The following RAI1 variants were observed in gnomAD, a reference collection of about 807,000 sequenced individuals.
RAI1 encodes the protein retinoic acid-induced protein 1.
In RAI1, 9 loss-of-function variants were observed where a neutral mutation model predicts 123.8. The observed-to-expected ratio is 0.07, with a 90% CI of 0.04 to 0.13. RAI1 has a LOEUF of 0.13. Ranked by LOEUF, RAI1 falls within the 10% of genes least tolerant of loss-of-function variation. The probability of loss-of-function intolerance (pLI) is 1.00; values close to 1 mark genes in which losing one functional copy is unlikely to be tolerated. For missense variants in RAI1, 2,256 were observed against 2,545.8 expected (o/e 0.89, Z 2.45); for synonymous variants, 1,231 against 1,127.3 (o/e 1.09, Z -1.84).
In RAI1 at chr17:17,797,790, C is replaced by G; in HGVS notation, c.4842C>G (p.Val1614=). The part of the protein sequence containing the change: ...RDAFTTICTV[V]NSPGDAPKPH... ...CGTTCACCACCATATGCACTGTTGTCAACTCCCCTGGAGATGCGCCCAAGC... is the reference window on the plus strand; with the variant it reads ...CGTTCACCACCATATGCACTGTTGTGAACTCCCCTGGAGATGCGCCCAAGC... Residue 1614 remains valine, a synonymous_variant, in exon 3 of 6, where the codon GTC becomes GTG. Transcript: ENST00000353383. 1 of 1,614,112 alleles carries G rather than the reference C, an allele frequency of 6.2e-7. No individual in the cohort carries two copies. Among genetic ancestry groups the G allele is most frequent in the Non-Finnish European group, 8.5e-7 (1 of 1,180,038 alleles).
intron 1 of RAI1, among the ~76,000 whole-genome samples, chr17:17,693,904 G>A (rs773054268): frequency 3.2e-4 from 49 of 152,326 alleles, no homozygotes; most frequent in Non-Finnish European, 5.7e-4. Context: ...CAGGCATCTG[G>A]AGTCACAGCC....
Position 17,750,710 on chromosome 17 carries a change from A to G in RAI1, c.-17+26551A>G, listed in dbSNP as rs989460638. Reference sequence around the variant, plus strand: ...GTCTCAAAAAAAAAAAAAAAAAAAAAAAAGAAAAGAAACACATGATGGGTG... The same window carrying G: ...GTCTCAAAAAAAAAAAAAAAAAAAAGAAAGAAAAGAAACACATGATGGGTG... On this transcript the variant is annotated intron_variant, in intron 2 of 5. Coordinates refer to ENST00000353383, the MANE Select transcript of RAI1 (RefSeq NM_030665.4). Among the ~76,000 whole-genome samples, 77 of 151,628 alleles carry G rather than the reference A, an allele frequency of 5.1e-4. 1 individual carries two copies. The highest frequency in any genetic ancestry group is 1.8e-3 in the Admixed American group (27 of 15,252).
intron 1 of RAI1, among the ~76,000 whole-genome samples, chr17:17,709,992 T>G (rs2142903196): frequency 6.6e-6 from 1 of 152,282 alleles, no homozygotes; most frequent in South Asian, 2.1e-4. Flanking sequence ...CATGCTCACC[T>G]GCCCACCATG....
intron 1 of RAI1, among the ~76,000 whole-genome samples, chr17:17,715,727 C>T (rs534686900): frequency 3.3e-5 from 5 of 152,184 alleles, no homozygotes; most frequent in African/African-American, 7.2e-5. Context: ...AGATGCCCCC[C>T]GGAAAGGGCT....
At chr17:17,729,508 C>A (rs577222561) in intron 2 of RAI1, among the ~76,000 whole-genome samples, 206 of 152,346 alleles carry the variant, frequency 1.4e-3, no homozygotes, top group African/African-American at 4.8e-3. Flanking sequence ...CTTGGCCACA[C>A]CCAGAAGCAA....
At chr17:17,769,161 C>T (rs527426557) in intron 2 of RAI1, among the ~76,000 whole-genome samples, 2 of 152,340 alleles carry the variant, frequency 1.3e-5, no homozygotes, top group East Asian at 1.9e-4. Context: ...CATGTCTTCA[C>T]GAACAAGGGA....
intron 2 of RAI1, among the ~76,000 whole-genome samples, chr17:17,788,491 A>AC (rs1412184387): frequency 6.6e-6 from 1 of 151,984 alleles, no homozygotes; most frequent in East Asian, 1.9e-4. Context: ...GAGGAGTTCC[A>AC]CCTTCTCCAC....
chr17:17,752,414 C>T (rs1313316258), intron 2 of RAI1, among the ~76,000 whole-genome samples: 3 of 152,082 alleles, frequency 2.0e-5, no homozygotes, highest in Admixed American at 6.6e-5. Context: ...TGTACTGGCG[C>T]GCGCTGCCTG....
chr17:17,688,814 G>T (rs1914737049), intron 1 of RAI1, among the ~76,000 whole-genome samples: 1 of 152,000 alleles, frequency 6.6e-6, no homozygotes, highest in Non-Finnish European at 1.5e-5. Flanking sequence ...TGGTCAGGCT[G>T]GTCTCAAACT....
chr17:17,788,204 C>T (rs9905548), intron 2 of RAI1, among the ~76,000 whole-genome samples: 1 of 152,060 alleles, frequency 6.6e-6, no homozygotes, highest in African/African-American at 2.4e-5. Flanking sequence ...GAGGGGCTGC[C>T]TGGTCCTCTG....
chr17:17,747,978 CACTTG>C (rs1353363654), intron 2 of RAI1, among the ~76,000 whole-genome samples: 4 of 152,116 alleles, frequency 2.6e-5, no homozygotes, highest in African/African-American at 7.2e-5. Flanking sequence ...GCTGGAAGAT[CACTTG>C]AGCCTGGGAG....
At chr17:17,705,209 A>G (rs891121888) in intron 1 of RAI1, among the ~76,000 whole-genome samples, 3 of 152,214 alleles carry the variant, frequency 2.0e-5, no homozygotes, top group African/African-American at 4.8e-5. Flanking sequence ...CAGGAGAACA[A>G]CAGCCATGGA....
chr17:17,745,752 ACT>A (rs1363176054), intron 2 of RAI1, among the ~76,000 whole-genome samples: 1 of 150,822 alleles, frequency 6.6e-6, no homozygotes, highest in African/African-American at 2.4e-5. Flanking sequence ...GTTTTTAAAA[ACT>A]CTTTCTCCAG....
intron 1 of RAI1, among the ~76,000 whole-genome samples, chr17:17,717,760 G>T (rs1205745750): frequency 6.6e-6 from 1 of 152,184 alleles, no homozygotes; most frequent in Non-Finnish European, 1.5e-5. Flanking sequence ...GAGGAAGGAA[G>T]ATGAATACCC....
In RAI1 at chr17:17,809,376, C is replaced by A; in HGVS notation, c.5660-14C>A. On this transcript the variant is annotated splice_polypyrimidine_tract_variant and intron_variant, in intron 4 of 5. Coordinates refer to ENST00000353383, the MANE Select transcript of RAI1 (RefSeq NM_030665.4). This position sits in a 1 kb window ranked among gnomAD's most constrained non-coding sequence, Gnocchi z 4.9. Reference sequence around the variant, plus strand: ...CACCCTGTCCTAACCACCGAAACTTCTCTTTGGTCACAGGTTGCATATTCA... The same window carrying A: ...CACCCTGTCCTAACCACCGAAACTTATCTTTGGTCACAGGTTGCATATTCA... 2 of 1,603,344 alleles carry A rather than the reference C, an allele frequency of 1.2e-6. No homozygotes were observed. The highest frequency in any genetic ancestry group is 1.7e-6 in the Non-Finnish European group (2 of 1,170,302).
At position 17,801,198 on chromosome 17, in the gene RAI1, G is replaced by A. The variant is rs2032450897; in HGVS notation, c.5566-2558G>A. 1.3e-5 allele frequency among the ~76,000 whole-genome samples: 2 copies of A among 152,104 alleles called. No individual in the cohort carries two copies. The highest frequency in any genetic ancestry group is 2.4e-5 in the African/African-American group (1 of 41,412). ...CTGCCCTTCCCCCAAAGCCATCATA[G>A]ACCCCTACCTCCTATCCAGATGGAG... On this transcript the variant is annotated intron_variant, in intron 3 of 5. Coordinates refer to ENST00000353383, the MANE Select transcript of RAI1 (RefSeq NM_030665.4). This position sits in a 1 kb window ranked among gnomAD's most constrained non-coding sequence, Gnocchi z 4.1.
At chr17:17,716,476 G>A (rs189232699) in intron 1 of RAI1, among the ~76,000 whole-genome samples, 98 of 152,356 alleles carry the variant, frequency 6.4e-4, no homozygotes, top group African/African-American at 2.2e-3. Flanking sequence ...ACACACAGAT[G>A]TATATGCCCA....
chr17:17,700,463 A>C (rs1173727857), intron 1 of RAI1, among the ~76,000 whole-genome samples: 1 of 151,904 alleles, frequency 6.6e-6, no homozygotes, highest in Non-Finnish European at 1.5e-5. Flanking sequence ...GGCCGCCATC[A>C]AAGCGTCTTC....
At chr17:17,798,586 C>T in intron 3 of RAI1, 73 bp downstream of exon 3, 1 of 1,576,054 alleles carries the variant, frequency 6.3e-7, no homozygotes, top group Non-Finnish European at 8.6e-7. Flanking sequence ...TCGGGGAGCC[C>T]CTTGTTTCTA....
Sources: allele counts gnomAD v4.1 joint callset (sites outside exome capture counted in the v4.1 genomes callset), GRCh38; gene constraint gnomAD v4.1.1; non-coding constraint Gnocchi (gnomAD v3.1); transcripts MANE v1.5; gene names NCBI Gene and HGNC (gene_info 2026-07-23, HGNC 2026-07-21).